The following UNKL variants were observed in gnomAD, a reference collection of about 807,000 sequenced individuals.
UNKL encodes putative E3 ubiquitin-protein ligase UNKL.
Under a neutral mutation model 78.0 loss-of-function variants are expected in UNKL, and 60 were observed. That is an observed-to-expected ratio of 0.77 (90% CI 0.63 to 0.95). The LOEUF (loss-of-function observed/expected upper bound fraction) is 0.95. Among genes scored for constraint, UNKL ranks in the 40% least tolerant of loss-of-function variants. The pLI, the probability that UNKL is intolerant of heterozygous loss-of-function variation, is 0.00. For missense variants in UNKL, 1,159 were observed against 1,045.7 expected, an observed-to-expected ratio of 1.11 and a Z score of -1.49; for synonymous variants, 608 against 474.8, an observed-to-expected ratio of 1.28 and a Z score of -3.65.
At chr16:1,409,184 T>C (rs1290219029) in intron 2 of UNKL, among the ~76,000 whole-genome samples, 1 of 152,164 alleles carries the variant, frequency 6.6e-6, no homozygotes, top group Non-Finnish European at 1.5e-5. Flanking sequence ...AGTGCTGGGA[T>C]TACAGGCGTG....
At chr16:1,368,310 T>TA (rs201360887) in intron 12 of UNKL, 2,930 of 159,896 alleles carry the variant, frequency 0.018, 110 homozygotes, top group African/African-American at 0.067. Context: ...AAATGTTACT[T>TA]AAAAAAAACA....
chr16:1,408,548 C>G (rs2037883734), intron 2 of UNKL: 2 of 155,084 alleles, frequency 1.3e-5, no homozygotes, highest in African/African-American at 4.8e-5. Context: ...CGAGAAGTGA[C>G]CTGGGGAGCC....
At chr16:1,406,160 G>C (rs543925235) in intron 2 of UNKL, 3 of 414,936 alleles carry the variant, frequency 7.2e-6, no homozygotes, top group South Asian at 3.3e-5. Context: ...GCACAGCACT[G>C]AAACAGCTGG....
chr16:1,366,056 T>TA lies in UNKL; in HGVS notation c.*183_*184insT. The TA allele has an allele frequency of 1.6e-6, 1 of 625,246 alleles. No individual in the cohort carries two copies. The allele number at this position is 625,246 out of a possible 1,614,324, so 38.7% of individuals were successfully genotyped here. On this transcript the variant is annotated 3_prime_UTR_variant, in exon 15 of 15. Coordinates refer to ENST00000389221, the MANE Select transcript of UNKL (RefSeq NM_001372107.1). ...GTAGGACTAGATAGGTGACAACGTG[T>TA]GACAGGAAAGGCTGTCAGGCCAAGC...
In UNKL at chr16:1,363,312, C is replaced by T. The variant is rs181148746; in HGVS notation, c.*2928G>A. 2.3e-4 allele frequency: 129 copies of T among 567,132 alleles called. No homozygotes were observed. In the Admixed American group the frequency reaches 3.6e-3, roughly 16 times the overall value. The allele number at this position is 567,132 out of a possible 1,614,324, so 35.1% of individuals were successfully genotyped here. A position where few individuals can be genotyped will look rare whatever the true frequency, so the allele number is the denominator to read the frequency against. On this transcript the variant is annotated 3_prime_UTR_variant, in exon 15 of 15. Transcript: ENST00000389221. ...GTAAAAAAATTTAAACAAGTGTTAA[C>T]TTTAAACAGTTCGCTACAAGTAAAT...
intron 10 of UNKL, among the ~76,000 whole-genome samples, chr16:1,384,413 GC>G (rs2036729840): frequency 6.6e-6 from 1 of 152,046 alleles, no homozygotes; most frequent in Non-Finnish European, 1.5e-5. Context: ...TCCCAGCCAG[GC>G]CCCCACGGGT....
chr16:1,366,488 C>T, intron 14 of UNKL, 93 bp from the exon 15 acceptor site: 1 of 1,409,202 alleles, frequency 7.1e-7, no homozygotes, highest in Non-Finnish European at 9.3e-7. Flanking sequence ...GACTCAGCAT[C>T]TCAGGCCGCC....
At chr16:1,389,122 T>C (rs2036939916) in intron 9 of UNKL, among the ~76,000 whole-genome samples, 1 of 142,214 alleles carries the variant, frequency 7.0e-6, no homozygotes, top group Non-Finnish European at 1.5e-5. Context: ...ACTAGAGACC[T>C]CCTGTGAGTG....
chr16:1,401,543 C>T, intron 4 of UNKL, 25 bp downstream of exon 4: 3 of 1,526,264 alleles, frequency 2.0e-6, no homozygotes, highest in African/African-American at 1.4e-5. Flanking sequence ...CCCACCACCG[C>T]CCTCAGCTGC....
At chr16:1,406,483 G>C (rs893819011) in intron 2 of UNKL, among the ~76,000 whole-genome samples, 5 of 152,250 alleles carry the variant, frequency 3.3e-5, no homozygotes, top group African/African-American at 1.2e-4. Flanking sequence ...AAAGTGCTGG[G>C]ATTACAGGCG....
At chr16:1,369,960 G>C (rs899434795) in intron 12 of UNKL, 170 bp downstream of exon 12, 3 of 1,550,072 alleles carry the variant, frequency 1.9e-6, no homozygotes, top group Non-Finnish European at 2.6e-6. Context: ...GGGCGACAGA[G>C]CGAGACTCGG....
At chr16:1,398,446 GT>G in intron 5 of UNKL, 3 of 1,118,020 alleles carry the variant, frequency 2.7e-6, no homozygotes, top group Non-Finnish European at 3.3e-6. Flanking sequence ...TTCTACAGCC[GT>G]TCAGGTCCTT....
At position 1,409,164 on chromosome 16, in the gene UNKL, G is replaced by A. The variant is rs907928037; in HGVS notation, c.287+4682C>T. Reference sequence around the variant, plus strand: ...CCCGACCTCGTGATCTGCCCGCCTCGGCCTCCCAAAGTGCTGGGATTACAG... The same window carrying A: ...CCCGACCTCGTGATCTGCCCGCCTCAGCCTCCCAAAGTGCTGGGATTACAG... On this transcript the variant is annotated intron_variant, in intron 2 of 14. Transcript: ENST00000389221. 4.6e-5 allele frequency among the ~76,000 whole-genome samples: 7 copies of A among 152,008 alleles called. No individual in the cohort carries two copies. The South Asian group carries it at 8.3e-4, about 18-fold the overall frequency.
At chr16:1,369,934 C>T (rs2035652719) in intron 12 of UNKL, 196 bp downstream of exon 12, 3 of 1,547,252 alleles carry the variant, frequency 1.9e-6, no homozygotes, top group African/African-American at 2.7e-5. Context: ...GAGATCGTAC[C>T]ATTGCAGTCC....
intron 8 of UNKL, among the ~76,000 whole-genome samples, chr16:1,391,977 C>T (rs905548850): frequency 1.3e-5 from 2 of 152,088 alleles, no homozygotes; most frequent in Non-Finnish European, 2.9e-5. Context: ...CGTGAGCCAC[C>T]GCGCCCGGCC....
chr16:1,376,490 C>A (rs940849218), intron 10 of UNKL, among the ~76,000 whole-genome samples: 1 of 151,894 alleles, frequency 6.6e-6, no homozygotes. Context: ...TGCACTCCTC[C>A]TCCTGGCGTC....
rs908557941 is a variant in UNKL, at chr16:1,387,994, T to A, written c.1087-2609A>T. Among the ~76,000 whole-genome samples, 9 of 151,976 alleles carry A rather than the reference T, an allele frequency of 5.9e-5. No individual in the cohort carries two copies. The highest frequency in any genetic ancestry group is 2.2e-4 in the African/African-American group (9 of 41,370). ...TCACCCCTGTGGATGTCCTCTCAGCTCCATGACCCCTGTGGGCGTCTCAGT... is the reference window on the plus strand; with the variant it reads ...TCACCCCTGTGGATGTCCTCTCAGCACCATGACCCCTGTGGGCGTCTCAGT... On this transcript the variant is annotated intron_variant, in intron 9 of 14. Transcript: ENST00000389221. This position sits in a 1 kb window ranked among gnomAD's most constrained non-coding sequence, Gnocchi z 4.1.
At position 1,375,226 on chromosome 16, in the gene UNKL, G is replaced by A. The variant is rs189419755; in HGVS notation, c.1265-3615C>T. On this transcript the variant is annotated intron_variant, in intron 10 of 14. Coordinates refer to ENST00000389221, the MANE Select transcript of UNKL (RefSeq NM_001372107.1). ...TGGACGTGGCGCAGCTGGCAGGTCCGGGCCTCTGAACTTCACCCCGAATCT... is the reference window on the plus strand; with the variant it reads ...TGGACGTGGCGCAGCTGGCAGGTCCAGGCCTCTGAACTTCACCCCGAATCT... Among the ~76,000 whole-genome samples, 15 of 152,366 alleles carry A rather than the reference G, an allele frequency of 9.8e-5. No individual in the cohort carries two copies. The East Asian group carries it at 2.1e-3, about 22-fold the overall frequency.
chr16:1,393,096 G>T (rs1374835280), intron 7 of UNKL, 120 bp from the exon 8 acceptor site: 2 of 1,086,986 alleles, frequency 1.8e-6, no homozygotes, highest in Non-Finnish European at 2.7e-6. Flanking sequence ...TCATCCCTCA[G>T]GGGTGCGGCA....
Sources: gnomAD v4.1 joint callset for allele counts (sites outside exome capture counted in the v4.1 genomes callset) on GRCh38, gnomAD v4.1.1 for gene constraint, Gnocchi (gnomAD v3.1) non-coding constraint, MANE v1.5 for transcripts, NCBI Gene and HGNC (gene_info 2026-07-23, HGNC 2026-07-21) for gene names.